Variants in PPP3CC observed in about 807,000 individuals in gnomAD.
The protein encoded by PPP3CC is protein phosphatase 3 catalytic subunit gamma.
PPP3CC carries 35 observed loss-of-function variants against 60.3 expected under a neutral mutation model. The observed-to-expected ratio is 0.58, with a 90% confidence interval of 0.44 to 0.77. The LOEUF is 0.77. Ranked by LOEUF, PPP3CC falls within the 30% of genes least tolerant of loss-of-function variation. PPP3CC has a pLI of 0.00. For synonymous variants in PPP3CC, 206 were observed against 224.3 expected (o/e 0.92, Z 0.73); for missense variants, 570 against 628.9 (o/e 0.91, Z 1.00).
intron 1 of PPP3CC, among the ~76,000 whole-genome samples, chr8:22,468,653 A>T (rs965185129): frequency 2.0e-5 from 3 of 152,182 alleles, no homozygotes; most frequent in Non-Finnish European, 4.4e-5. Context: ...GCTTGTAATA[A>T]TTGAATAGAT....
intron 4 of PPP3CC, among the ~76,000 whole-genome samples, chr8:22,508,630 T>C (rs1301702161): frequency 2.0e-5 from 3 of 152,198 alleles, no homozygotes; most frequent in African/African-American, 4.8e-5. Context: ...CATTTATCAA[T>C]GTAAGATGTT....
chr8:22,532,197 AACTT>A (rs1411167357), intron 10 of PPP3CC, 24 bp from the exon 11 acceptor site: 6 of 1,548,752 alleles, frequency 3.9e-6, no homozygotes, highest in Admixed American at 3.4e-5. Context: ...ACATCCCTTT[AACTT>A]ACTTATTCTT....
intron 3 of PPP3CC, among the ~76,000 whole-genome samples, chr8:22,476,672 C>A (rs566683928): frequency 6.6e-6 from 1 of 152,254 alleles, no homozygotes; most frequent in African/African-American, 2.4e-5. Context: ...GTGGCTCACG[C>A]CTGTAATCCC....
At chr8:22,492,561 G>A (rs2132501909) in intron 3 of PPP3CC, 1 of 393,050 alleles carries the variant, frequency 2.5e-6, no homozygotes, top group East Asian at 4.7e-5. Flanking sequence ...GTCCACCCGA[G>A]ACCCCCAAGC....
At chr8:22,489,726 AT>A (rs1185046015) in intron 3 of PPP3CC, among the ~76,000 whole-genome samples, 1 of 139,982 alleles carries the variant, frequency 7.1e-6, no homozygotes, top group Admixed American at 7.7e-5. Context: ...TATATTATAT[AT>A]TATATATATA....
chr8:22,485,951 C>T (rs2469745), intron 3 of PPP3CC, among the ~76,000 whole-genome samples: 60,791 of 151,888 alleles, frequency 0.4, 12,923 homozygotes, highest in East Asian at 0.6. Context: ...TTTCAGTAGC[C>T]ATTAGATAAA....
At chr8:22,504,533 A>T (rs1422493606) in intron 4 of PPP3CC, among the ~76,000 whole-genome samples, 2 of 151,970 alleles carry the variant, frequency 1.3e-5, no homozygotes, top group African/African-American at 4.8e-5. Flanking sequence ...GAACTCCCCA[A>T]AGGATCCTTC....
chr8:22,527,170 A>G (rs1839580719), intron 8 of PPP3CC, among the ~76,000 whole-genome samples: 1 of 152,206 alleles, frequency 6.6e-6, no homozygotes, highest in African/African-American at 2.4e-5. Flanking sequence ...TACTTTTATT[A>G]TATGAGCTCT....
At chr8:22,521,618 C>G (rs1839406552) in intron 6 of PPP3CC, among the ~76,000 whole-genome samples, 1 of 152,186 alleles carries the variant, frequency 6.6e-6, no homozygotes, top group South Asian at 2.1e-4. Flanking sequence ...GGGACATTCT[C>G]TTTTGCTATC....
At chr8:22,506,653 A>G (rs1838928989) in intron 4 of PPP3CC, among the ~76,000 whole-genome samples, 1 of 152,016 alleles carries the variant, frequency 6.6e-6, no homozygotes, top group African/African-American at 2.4e-5. Context: ...AATTTGAGCT[A>G]TGTTGGGGCC....
chr8:22,533,978 C>T (rs769689414), intron 12 of PPP3CC, among the ~76,000 whole-genome samples: 17 of 152,140 alleles, frequency 1.1e-4, no homozygotes, highest in Middle Eastern at 3.4e-3. Context: ...GCAGGCAGAT[C>T]TCTTGAGGCC....
intron 3 of PPP3CC, among the ~76,000 whole-genome samples, chr8:22,488,881 A>G (rs1436661332): frequency 3.9e-5 from 6 of 152,340 alleles, no homozygotes; most frequent in Admixed American, 2.6e-4. Flanking sequence ...AGGGCAGTCC[A>G]TGTATAGTAG....
At chr8:22,522,409 T>A (rs1563775565) in intron 6 of PPP3CC, 82 bp from the exon 7 acceptor site, 5 of 1,088,316 alleles carry the variant, frequency 4.6e-6, no homozygotes, top group Non-Finnish European at 6.7e-6. Context: ...AATCAGCTAA[T>A]ATCACCTTGA....
chr8:22,466,311 C>T (rs1486664135), intron 1 of PPP3CC, among the ~76,000 whole-genome samples: 1 of 152,184 alleles, frequency 6.6e-6, no homozygotes, highest in African/African-American at 2.4e-5. Context: ...GCACATGTGT[C>T]TTTATAGTAG....
intron 4 of PPP3CC, among the ~76,000 whole-genome samples, chr8:22,509,904 G>T (rs898712186): frequency 6.6e-6 from 1 of 152,120 alleles, no homozygotes; most frequent in African/African-American, 2.4e-5. Context: ...ACGAGGCCTT[G>T]GCCAGGCGCA....
At chr8:22,494,171 A>G (rs1429717473) in intron 3 of PPP3CC, among the ~76,000 whole-genome samples, 2 of 152,224 alleles carry the variant, frequency 1.3e-5, no homozygotes, top group African/African-American at 4.8e-5. Context: ...TGATAAAGAC[A>G]TACCCAAAAT....
chr8:22,527,604 T>C, intron 9 of PPP3CC, 87 bp downstream of exon 9: 2 of 1,459,592 alleles, frequency 1.4e-6, no homozygotes, highest in Non-Finnish European at 1.8e-6. Flanking sequence ...GATTCAGAAA[T>C]GTTTTCTAAT....
chr8:22,489,611 TATATA>T (rs981069198), intron 3 of PPP3CC, among the ~76,000 whole-genome samples: 1 of 133,176 alleles, frequency 7.5e-6, no homozygotes, highest in Non-Finnish European at 1.6e-5. Context: ...GTGTATATAA[TATATA>T]ATATATAATA....
rs1228587157 is a variant in PPP3CC at position 22,489,603 on chromosome 8, G to GTATATAA, written c.373-8381_373-8375dup. ...ACAAATATATATTATATATAATAGT[G>GTATATAA]TATATAATATATAATATATAATAAG... On this transcript the variant is annotated intron_variant, in intron 3 of 13. Transcript: ENST00000240139. Among the ~76,000 whole-genome samples the GTATATAA allele has an allele frequency of 1.0e-4, 14 of 136,792 alleles. No individual in the cohort carries two copies. The South Asian group carries it at 1.8e-3, about 17-fold the overall frequency. The allele number at this position is 136,792 out of a possible 152,430, so 89.7% of individuals were successfully genotyped here.
Sources: allele counts gnomAD v4.1 joint callset (sites outside exome capture counted in the v4.1 genomes callset), GRCh38; gene constraint gnomAD v4.1.1; transcripts MANE v1.5; gene names NCBI Gene and HGNC (gene_info 2026-07-23, HGNC 2026-07-21).